The following KYAT3 variants were observed in gnomAD, a reference collection of about 807,000 sequenced individuals.
KYAT3 encodes kynurenine--oxoglutarate transaminase 3.
In KYAT3, 50 loss-of-function variants were observed where a neutral mutation model predicts 59.0. The observed-to-expected ratio is 0.85, with a 90% CI of 0.68 to 1.07. The LOEUF (loss-of-function observed/expected upper bound fraction) is 1.07. Ranked by LOEUF, KYAT3 falls within the 50% of genes least tolerant of loss-of-function variation. The pLI, the probability that KYAT3 is intolerant of heterozygous loss-of-function variation, is 0.00. For synonymous variants in KYAT3, 148 were observed against 177.0 expected (o/e 0.84, Z 1.30); for missense variants, 497 against 533.3 (o/e 0.93, Z 0.67).
At chr1:88,968,620 C>A (rs772249041) in intron 4 of KYAT3, 50 bp downstream of exon 4, 10 of 1,421,128 alleles carry the variant, frequency 7.0e-6, no homozygotes, top group African/African-American at 3.0e-5. Context: ...CAGACACACA[C>A]CCCAGTATAA....
chr1:88,974,968 G>T (rs1676716734), intron 2 of KYAT3, among the ~76,000 whole-genome samples: 1 of 152,092 alleles, frequency 6.6e-6, no homozygotes, highest in East Asian at 1.9e-4. Flanking sequence ...AGCCAGCAGG[G>T]GCAACCTGTC....
chr1:88,921,636 T>C, the KYAT3 span, among the ~76,000 whole-genome samples: 24 of 152,172 alleles, frequency 1.6e-4, no homozygotes, highest in Non-Finnish European at 1.8e-4. Context: ...TTAGTCAGGG[T>C]TCTCCAGAGA....
At chr1:88,966,673 T>C (rs537934390) in intron 4 of KYAT3, among the ~76,000 whole-genome samples, 1 of 152,208 alleles carries the variant, frequency 6.6e-6, no homozygotes, top group African/African-American at 2.4e-5. Context: ...TTTCTGAAAA[T>C]GAGTTTACAT....
At chr1:88,964,066 C>T (rs1023534457) in intron 5 of KYAT3, among the ~76,000 whole-genome samples, 43 of 152,090 alleles carry the variant, frequency 2.8e-4, no homozygotes, top group African/African-American at 9.4e-4. Flanking sequence ...AGCTGGGCTT[C>T]GTGGCGGGCG....
intron 2 of KYAT3, chr1:88,981,808 A>T: frequency 3.8e-6 from 1 of 263,104 alleles, no homozygotes; most frequent in Non-Finnish European, 6.1e-6. Context: ...ATGCTGATAG[A>T]TTCACTTTTT....
At chr1:88,961,129 A>C in intron 8 of KYAT3, 38 bp downstream of exon 8, 1 of 1,608,436 alleles carries the variant, frequency 6.2e-7, no homozygotes, top group Non-Finnish European at 8.5e-7. Context: ...ATGTGCCCAA[A>C]CACATTTAGA....
chr1:88,926,846 T>G, the KYAT3 span, among the ~76,000 whole-genome samples: 1 of 152,142 alleles, frequency 6.6e-6, no homozygotes, highest in Non-Finnish European at 1.5e-5. Flanking sequence ...TGAAACAAAT[T>G]TGCATAAGAA....
At chr1:88,990,342 T>C (rs1570860858) in intron 1 of KYAT3, among the ~76,000 whole-genome samples, 1 of 152,172 alleles carries the variant, frequency 6.6e-6, no homozygotes, top group South Asian at 2.1e-4. Context: ...TTGCTCATTT[T>C]ACTAGCTCTC....
intron 13 of KYAT3, among the ~76,000 whole-genome samples, chr1:88,939,629 A>G (rs928157860): frequency 2.0e-5 from 3 of 152,154 alleles, no homozygotes; most frequent in Non-Finnish European, 4.4e-5. Flanking sequence ...GCAACTCCAC[A>G]TATTTTATTT....
chr1:88,927,974 G>T, the KYAT3 span, among the ~76,000 whole-genome samples: 2 of 152,132 alleles, frequency 1.3e-5, no homozygotes, highest in Admixed American at 1.3e-4. Flanking sequence ...ATTCCCCACA[G>T]GCCAGCAGGC....
At chr1:88,937,501 T>C (rs982411682) in intron 13 of KYAT3, among the ~76,000 whole-genome samples, 4 of 152,114 alleles carry the variant, frequency 2.6e-5, no homozygotes, top group Non-Finnish European at 2.9e-5. Context: ...TATAGCCCAC[T>C]GTACTACAAA....
chr1:88,961,120 T>C (rs776461379), intron 8 of KYAT3, 47 bp downstream of exon 8: 2 of 1,604,834 alleles, frequency 1.2e-6, no homozygotes, highest in South Asian at 1.1e-5. Flanking sequence ...TTCTTCCATA[T>C]GTGCCCAAAC....
intron 10 of KYAT3, 83 bp downstream of exon 10, chr1:88,952,980 T>C (rs1212927606): frequency 8.3e-6 from 7 of 845,818 alleles, no homozygotes; most frequent in Non-Finnish European, 1.4e-5. Context: ...AGAAGGAGAA[T>C]TAAGTCAATT....
intron 10 of KYAT3, among the ~76,000 whole-genome samples, chr1:88,951,465 C>T (rs975306285): frequency 1.3e-5 from 2 of 151,962 alleles, no homozygotes; most frequent in African/African-American, 4.8e-5. Context: ...GAACTCCTGG[C>T]CTCAGGTGAT....
intron 9 of KYAT3, among the ~76,000 whole-genome samples, chr1:88,954,535 T>C (rs371289068): frequency 1.3e-5 from 2 of 152,330 alleles, no homozygotes; most frequent in South Asian, 2.1e-4. Flanking sequence ...TTTTTCTCCT[T>C]TTATATTAAT....
intron 13 of KYAT3, among the ~76,000 whole-genome samples, chr1:88,942,521 T>C (rs1055320791): frequency 2.6e-5 from 4 of 152,202 alleles, no homozygotes; most frequent in Non-Finnish European, 5.9e-5. Flanking sequence ...GTCTGTATTA[T>C]GTTGTCTTCT....
chr1:88,940,361 C>T (rs1206321508), intron 13 of KYAT3, among the ~76,000 whole-genome samples: 7 of 152,124 alleles, frequency 4.6e-5, no homozygotes, highest in East Asian at 1.9e-4. Context: ...TGTGAGCCAC[C>T]GCACCTGGCC....
At chr1:88,980,825 C>T (rs11542207) in intron 2 of KYAT3, 1 of 152,028 alleles carries the variant, frequency 6.6e-6, no homozygotes, top group East Asian at 1.9e-4. Flanking sequence ...TGGAAGGATT[C>T]GGCTAAGACA....
chr1:88,984,204 C>CTTTTTTTT lies in KYAT3; in HGVS notation c.99+4040_99+4047dup, dbSNP rs908183722. ...ATTAACAGGAGCCCTTTTTTTGTTG[C>CTTTTTTTT]TTTTTTTTTTTTTTTTTTTTTTTTT... is the stretch of plus-strand genomic sequence containing the variant. On this transcript the variant is annotated intron_variant, in intron 2 of 13. Coordinates refer to ENST00000260508, the MANE Select transcript of KYAT3 (RefSeq NM_001008661.3). 151 of 81,758 alleles carry CTTTTTTTT rather than the reference C, an allele frequency of 1.8e-3. 15 individuals are homozygous for CTTTTTTTT. The highest frequency in any genetic ancestry group is 0.013 in the Middle Eastern group (1 of 80). The allele number at this position is 81,758 out of a possible 1,614,324, so 5.1% of individuals were successfully genotyped here.
Sources: gnomAD v4.1 joint callset for allele counts (sites outside exome capture counted in the v4.1 genomes callset) on GRCh38, gnomAD v4.1.1 for gene constraint, MANE v1.5 for transcripts, NCBI Gene and HGNC (gene_info 2026-07-23, HGNC 2026-07-21) for gene names.